Variants in ABLIM1 observed in about 807,000 individuals in gnomAD.
ABLIM1 encodes the protein actin binding LIM protein 1.
A neutral mutation model predicts 107.0 loss-of-function variants in ABLIM1; 40 were observed. The ratio of observed to expected loss-of-function variants is 0.37; its 90% confidence interval spans 0.29 to 0.49. ABLIM1 has a LOEUF of 0.49. ABLIM1 is among the 20% of genes least tolerant of loss of function. ABLIM1 has a pLI of 0.97. For missense variants in ABLIM1, 857 were observed against 1,008.5 expected, an observed-to-expected ratio of 0.85 and a Z score of 2.04; for synonymous variants, 357 against 357.3, an observed-to-expected ratio of 1.00 and a Z score of 0.01.
intron 1 of ABLIM1, among the ~76,000 whole-genome samples, chr10:114,761,064 C>G (rs1406526357): frequency 1.3e-5 from 2 of 152,022 alleles, no homozygotes; most frequent in East Asian, 3.9e-4. Flanking sequence ...CCATATCACA[C>G]CAAATAAGAA....
At chr10:114,491,307 AAT>A (rs2058968790) in intron 7 of ABLIM1, among the ~76,000 whole-genome samples, 2 of 152,058 alleles carry the variant, frequency 1.3e-5, no homozygotes, top group African/African-American at 2.4e-5. Context: ...TAATTCATCA[AAT>A]ATGAGATTTT....
intron 1 of ABLIM1, among the ~76,000 whole-genome samples, chr10:114,602,619 C>T (rs1427179246): frequency 6.6e-6 from 1 of 152,208 alleles, no homozygotes; most frequent in Non-Finnish European, 1.5e-5. Context: ...GATACACACA[C>T]TGCAGGCAGT....
chr10:114,679,373 G>A (rs1441627117), intron 1 of ABLIM1, among the ~76,000 whole-genome samples: 1 of 152,132 alleles, frequency 6.6e-6, no homozygotes, highest in Non-Finnish European at 1.5e-5. Context: ...GGTGGCTCAT[G>A]TCTGTAATCC....
Position 114,608,907 on chromosome 10 carries a change from C to G in ABLIM1, c.245-6946G>C, listed in dbSNP as rs530678898. Reference sequence around the variant, plus strand: ...GCAGGTGCCTGTTATCCCAGCTACTCAGGAGGCTGAGACAGGAGAATCGCT... The same window carrying G: ...GCAGGTGCCTGTTATCCCAGCTACTGAGGAGGCTGAGACAGGAGAATCGCT... On this transcript the variant is annotated intron_variant, in intron 1 of 22. Transcript: ENST00000533213. 5.3e-5 allele frequency among the ~76,000 whole-genome samples: 8 copies of G among 151,560 alleles called. No individual in the cohort carries two copies. In the East Asian group the frequency reaches 1.6e-3, roughly 30 times the overall value.
At chr10:114,626,411 G>T (rs574212647) in intron 1 of ABLIM1, among the ~76,000 whole-genome samples, 2 of 152,282 alleles carry the variant, frequency 1.3e-5, no homozygotes, top group East Asian at 3.9e-4. Context: ...GTAGATTGTA[G>T]CAAGTTTGTA....
intron 1 of ABLIM1, among the ~76,000 whole-genome samples, chr10:114,646,698 A>T (rs1288331552): frequency 6.6e-6 from 1 of 152,230 alleles, no homozygotes; most frequent in African/African-American, 2.4e-5. Flanking sequence ...GAGGAGTTAC[A>T]GGAGGTTGGC....
chr10:114,515,975 A>G (rs73353784), intron 6 of ABLIM1, among the ~76,000 whole-genome samples: 3,757 of 152,264 alleles, frequency 0.025, 134 homozygotes, highest in African/African-American at 0.084. Flanking sequence ...TGTCTTTTTT[A>G]AAACATCCAA....
At chr10:114,595,774 C>T (rs750362057) in intron 2 of ABLIM1, among the ~76,000 whole-genome samples, 1 of 152,216 alleles carries the variant, frequency 6.6e-6, no homozygotes, top group African/African-American at 2.4e-5. Context: ...ATTAGGTTCT[C>T]CTTCCTTCAG....
chr10:114,571,025 C>T (rs1401391803), intron 4 of ABLIM1, among the ~76,000 whole-genome samples: 1 of 152,166 alleles, frequency 6.6e-6, no homozygotes, highest in Non-Finnish European at 1.5e-5. Context: ...TGATGCTCGT[C>T]ATCTCCTGTC....
At chr10:114,736,714 C>A (rs996698819) in intron 1 of ABLIM1, among the ~76,000 whole-genome samples, 1 of 152,180 alleles carries the variant, frequency 6.6e-6, no homozygotes, top group South Asian at 2.1e-4. Context: ...CGATGTAATG[C>A]AATGATGCTT....
chr10:114,461,193 G>T (rs2063818069), intron 12 of ABLIM1, among the ~76,000 whole-genome samples: 1 of 151,438 alleles, frequency 6.6e-6, no homozygotes, highest in Admixed American at 6.6e-5. Flanking sequence ...CCTCTGAGTA[G>T]CTGGGACTTC....
intron 1 of ABLIM1, among the ~76,000 whole-genome samples, chr10:114,727,487 T>C (rs943130393): frequency 3.9e-5 from 6 of 152,180 alleles, no homozygotes; most frequent in Non-Finnish European, 7.3e-5. Context: ...CTTTACAATA[T>C]ACAAACAAAT....
chr10:114,737,591 T>C (rs2082205436), intron 1 of ABLIM1, among the ~76,000 whole-genome samples: 1 of 152,210 alleles, frequency 6.6e-6, no homozygotes, highest in Admixed American at 6.5e-5. Context: ...ATTCTAATGT[T>C]GTGTGATCAA....
At chr10:114,532,249 T>C (rs2065526447) in intron 6 of ABLIM1, among the ~76,000 whole-genome samples, 1 of 152,238 alleles carries the variant, frequency 6.6e-6, no homozygotes, top group African/African-American at 2.4e-5. Flanking sequence ...ATGGAGCCAT[T>C]AACATAGTTC....
intron 1 of ABLIM1, among the ~76,000 whole-genome samples, chr10:114,638,710 G>C (rs1259586774): frequency 6.6e-6 from 1 of 151,482 alleles, no homozygotes; most frequent in African/African-American, 2.4e-5. Flanking sequence ...TACATCAACA[G>C]GCATTTCTAA....
At chr10:114,444,385 C>T (rs1214503358) in intron 16 of ABLIM1, among the ~76,000 whole-genome samples, 3 of 152,126 alleles carry the variant, frequency 2.0e-5, no homozygotes, top group Non-Finnish European at 4.4e-5. Context: ...GAACGTTTTC[C>T]TTCCTCTGCT....
the ABLIM1 span, among the ~76,000 whole-genome samples, chr10:114,781,552 A>ATGTG: frequency 1.3e-5 from 2 of 149,030 alleles, no homozygotes; most frequent in Non-Finnish European, 3.0e-5. Flanking sequence ...ATATCTATAT[A>ATGTG]TGTGTGTGTG....
At chr10:114,687,188 T>A (rs1373599954), upstream of ABLIM1, among the ~76,000 whole-genome samples, 1 of 152,206 alleles carries the variant, frequency 6.6e-6, no homozygotes, top group Non-Finnish European at 1.5e-5. Flanking sequence ...TACTATGTAT[T>A]AATATGCAAG....
intron 7 of ABLIM1, among the ~76,000 whole-genome samples, chr10:114,489,039 C>T (rs2058574378): frequency 6.6e-6 from 1 of 151,368 alleles, no homozygotes; most frequent in Admixed American, 6.6e-5. Flanking sequence ...TCTTTTGAGA[C>T]AGAGTCTTGC....
Sources: allele counts gnomAD v4.1 joint callset (sites outside exome capture counted in the v4.1 genomes callset), GRCh38; gene constraint gnomAD v4.1.1; transcripts MANE v1.5; gene names NCBI Gene and HGNC (gene_info 2026-07-23, HGNC 2026-07-21).